ILRUN: variants seen among roughly 807,000 people sequenced by gnomAD.
The protein encoded by ILRUN is inflammation and lipid regulator with UBA-like and NBR1-like domains, also known as protein ILRUN.
A neutral mutation model predicts 33.8 loss-of-function variants in ILRUN; 3 were observed. That is an observed-to-expected ratio of 0.09 (90% CI 0.04 to 0.23). The LOEUF (loss-of-function observed/expected upper bound fraction) is 0.23. ILRUN is among the 10% of genes least tolerant of loss of function. The pLI is 1.00. For synonymous variants in ILRUN, 124 were observed against 138.9 expected (o/e 0.89, Z 0.75); for missense variants, 210 against 375.1 (o/e 0.56, Z 3.64).
At chr6:34,683,429 C>T (rs9469846) in intron 1 of ILRUN, among the ~76,000 whole-genome samples, 1,109 of 91,712 alleles carry the variant, frequency 0.012, 13 homozygotes, top group Middle Eastern at 0.05. Flanking sequence ...CATATATATA[C>T]ATATATATAT....
rs1222212000 is a variant in ILRUN at position 34,587,485 on chromosome 6, G to C, written c.*3080C>G. ...ATTCACCCAAGGAAACAAAGGAAAG[G>C]TGCGGCGAGGCAGGGTGGGGTGAGT... On this transcript the variant is annotated 3_prime_UTR_variant, in exon 5 of 5. Transcript: ENST00000374023. 6.5e-6 allele frequency: 1 copy of C among 152,674 alleles called. No homozygotes were observed. Among genetic ancestry groups the C allele is most frequent in the Non-Finnish European group, 1.5e-5 (1 of 68,084 alleles). 9.5% of individuals were successfully genotyped at this position (152,674 alleles called of 1,614,324 possible). A position where few individuals can be genotyped will look rare whatever the true frequency, so the allele number is the denominator to read the frequency against.
chr6:34,661,880 C>G (rs1439636787), intron 1 of ILRUN, among the ~76,000 whole-genome samples: 1 of 152,070 alleles, frequency 6.6e-6, no homozygotes. Context: ...AATCCCAGCA[C>G]TTTGGGAGGC....
intron 3 of ILRUN, among the ~76,000 whole-genome samples, chr6:34,634,746 A>G (rs972317107): frequency 8.5e-5 from 13 of 152,222 alleles, no homozygotes; most frequent in Non-Finnish European, 1.9e-4. Context: ...GAAATAGATT[A>G]CCTTAATAGA....
At chr6:34,653,746 G>GAGGATAGCT (rs769959954) in intron 2 of ILRUN, among the ~76,000 whole-genome samples, 10 of 152,108 alleles carry the variant, frequency 6.6e-5, no homozygotes, top group South Asian at 2.1e-4. Context: ...ATCCAAGTGA[G>GAGGATAGCT]AGGATAGCTT....
intron 1 of ILRUN, chr6:34,685,277 A>C (rs530708874): frequency 9.2e-5 from 14 of 152,240 alleles, no homozygotes; most frequent in African/African-American, 3.1e-4. Context: ...GAGACCAAAA[A>C]CTGGCTGGAG....
intron 1 of ILRUN, among the ~76,000 whole-genome samples, chr6:34,689,302 C>G (rs1333003082): frequency 7.0e-6 from 1 of 143,814 alleles, no homozygotes; most frequent in African/African-American, 2.6e-5. Context: ...TGCCTGTAAA[C>G]AGCCATTGCA....
chr6:34,642,386 A>G (rs1193520821), intron 3 of ILRUN, among the ~76,000 whole-genome samples: 3 of 152,340 alleles, frequency 2.0e-5, no homozygotes, highest in African/African-American at 4.8e-5. Flanking sequence ...AAACTTTCCA[A>G]TCAATGGGTA....
intron 3 of ILRUN, among the ~76,000 whole-genome samples, chr6:34,611,102 C>CTTTT (rs59506285): frequency 0.013 from 1,528 of 121,914 alleles, 15 homozygotes; most frequent in Middle Eastern, 0.025. Context: ...TTTCTGATGT[C>CTTTT]TTTTTTTTTT....
chr6:34,658,803 A>C (rs1762829778), intron 1 of ILRUN, among the ~76,000 whole-genome samples: 1 of 152,106 alleles, frequency 6.6e-6, no homozygotes, highest in African/African-American at 2.4e-5. Context: ...GCAAGACTCC[A>C]TCTCAAGAAA....
intron 1 of ILRUN, among the ~76,000 whole-genome samples, chr6:34,694,681 GA>G (rs1161666314): frequency 1.3e-5 from 2 of 151,994 alleles, no homozygotes; most frequent in Non-Finnish European, 2.9e-5. Flanking sequence ...TAAACATCTA[GA>G]AATTTAAACC....
intron 1 of ILRUN, chr6:34,685,249 T>C (rs1353955282): frequency 2.0e-5 from 3 of 152,204 alleles, no homozygotes. Context: ...GATAACTCAG[T>C]TCAAGTCTAA....
intron 1 of ILRUN, among the ~76,000 whole-genome samples, chr6:34,657,440 T>C (rs1464100451): frequency 6.6e-6 from 1 of 152,152 alleles, no homozygotes; most frequent in African/African-American, 2.4e-5. Context: ...TATCCTCAAA[T>C]CTCCTTTCAC....
chr6:34,686,368 C>T (rs1288587941), intron 1 of ILRUN, among the ~76,000 whole-genome samples: 3 of 151,594 alleles, frequency 2.0e-5, no homozygotes, highest in East Asian at 3.9e-4. Context: ...GGCGTGGTGG[C>T]GGGCGCCTGT....
chr6:34,595,703 G>C, intron 4 of ILRUN: 1 of 944,338 alleles, frequency 1.1e-6, no homozygotes, highest in African/African-American at 1.8e-5. Context: ...CACAACACAG[G>C]ACTTTCACAT....
At chr6:34,696,291 G>A (rs1209650102) in intron 1 of ILRUN, 155 bp downstream of exon 1, 7 of 750,918 alleles carry the variant, frequency 9.3e-6, no homozygotes, top group Non-Finnish European at 1.5e-5. Context: ...TACTCCCTAT[G>A]CCCACGGGGC....
intron 2 of ILRUN, among the ~76,000 whole-genome samples, chr6:34,653,389 C>T (rs761434843): frequency 5.9e-5 from 9 of 151,840 alleles, no homozygotes; most frequent in Non-Finnish European, 1.2e-4. Flanking sequence ...CAACACCATA[C>T]CCGGTTAATT....
chr6:34,677,767 G>A (rs1000799671), intron 1 of ILRUN, among the ~76,000 whole-genome samples: 3 of 151,952 alleles, frequency 2.0e-5, no homozygotes, highest in Non-Finnish European at 2.9e-5. Context: ...TGGACAATAT[G>A]ACAAAACCCC....
At chr6:34,604,409 T>C (rs1761580981) in intron 4 of ILRUN, among the ~76,000 whole-genome samples, 1 of 152,222 alleles carries the variant, frequency 6.6e-6, no homozygotes, top group Non-Finnish European at 1.5e-5. Flanking sequence ...GGAAGACAAG[T>C]ACAGTGCCCT....
intron 1 of ILRUN, among the ~76,000 whole-genome samples, chr6:34,681,486 G>A (rs947300734): frequency 6.6e-5 from 10 of 152,110 alleles, no homozygotes; most frequent in Non-Finnish European, 8.8e-5. Flanking sequence ...CCCTTTCACC[G>A]GGTGTGGCGG....
Sources: gnomAD v4.1 joint callset for allele counts (sites outside exome capture counted in the v4.1 genomes callset) on GRCh38, gnomAD v4.1.1 for gene constraint, MANE v1.5 for transcripts, NCBI Gene and HGNC (gene_info 2026-07-23, HGNC 2026-07-21) for gene names.